The following MERTK variants were observed in gnomAD, a reference collection of about 807,000 sequenced individuals.
MERTK encodes MER proto-oncogene, tyrosine kinase, also known as tyrosine-protein kinase Mer.
Under a neutral mutation model 99.3 loss-of-function variants are expected in MERTK, and 69 were observed. That is an observed-to-expected ratio of 0.70 (90% CI 0.57 to 0.85). The LOEUF is 0.85. Ranked by LOEUF, MERTK falls within the 40% of genes least tolerant of loss-of-function variation. The pLI, the probability that MERTK is intolerant of heterozygous loss-of-function variation, is 0.00. For synonymous variants in MERTK, 426 were observed against 467.6 expected (o/e 0.91, Z 1.15); for missense variants, 1,125 against 1,249.4 (o/e 0.90, Z 1.50).
At chr2:111,910,627 T>TATATATATAC (rs1364348878) in intron 1 of MERTK, among the ~76,000 whole-genome samples, 1 of 150,986 alleles carries the variant, frequency 6.6e-6, no homozygotes, top group Non-Finnish European at 1.5e-5. Flanking sequence ...TATATATATA[T>TATATATATAC]ACAAATGGAA....
chr2:112,025,249 G>A (rs1015294036), intron 18 of MERTK, among the ~76,000 whole-genome samples: 1 of 152,170 alleles, frequency 6.6e-6, no homozygotes, highest in Non-Finnish European at 1.5e-5. Context: ...GCACTTGCTG[G>A]TCATGTTCTA....
At chr2:111,973,150 G>A (rs1223352934) in intron 6 of MERTK, among the ~76,000 whole-genome samples, 2 of 152,102 alleles carry the variant, frequency 1.3e-5, no homozygotes, top group Non-Finnish European at 2.9e-5. Flanking sequence ...TGACTGAGAA[G>A]GACTGTTATA....
intron 8 of MERTK, among the ~76,000 whole-genome samples, chr2:111,989,396 A>G (rs923243518): frequency 2.9e-4 from 43 of 148,026 alleles, no homozygotes; most frequent in African/African-American, 1.1e-3. Flanking sequence ...TCGCTCTGTC[A>G]CCCAGGCTGG....
At chr2:112,025,874 G>C (rs1349434332) in intron 18 of MERTK, among the ~76,000 whole-genome samples, 3 of 152,176 alleles carry the variant, frequency 2.0e-5, no homozygotes, top group Non-Finnish European at 4.4e-5. Flanking sequence ...TCACACTGTT[G>C]TATAACCATC....
intron 2 of MERTK, among the ~76,000 whole-genome samples, chr2:111,941,792 A>G (rs1387172011): frequency 2.0e-5 from 3 of 152,196 alleles, no homozygotes; most frequent in Non-Finnish European, 4.4e-5. Context: ...TTACCAGACA[A>G]CTGCTAAGCC....
chr2:112,022,594 A>T, intron 18 of MERTK, 200 bp downstream of exon 18: 1 of 847,978 alleles, frequency 1.2e-6, no homozygotes, highest in Non-Finnish European at 2.0e-6. Flanking sequence ...ATCTCCAGTG[A>T]GCCCACTGAG....
intron 8 of MERTK, 112 bp from the exon 9 acceptor site, chr2:111,994,139 C>T (rs1196962253): frequency 1.6e-5 from 20 of 1,231,000 alleles, no homozygotes; most frequent in Non-Finnish European, 2.0e-5. Context: ...GGAAGTGTGG[C>T]TTCTGGCCTC....
intron 10 of MERTK, 113 bp from the exon 11 acceptor site, chr2:112,001,088 T>TG: frequency 1.3e-6 from 1 of 791,914 alleles, no homozygotes; most frequent in East Asian, 2.5e-5. Flanking sequence ...GGAAAGCTTT[T>TG]GTTGTAGAAG....
intron 2 of MERTK, chr2:111,940,697 T>A (rs1362822114): frequency 2.6e-6 from 2 of 774,128 alleles, no homozygotes; most frequent in Non-Finnish European, 4.6e-6. Flanking sequence ...GCATTTTTAG[T>A]TGCATTGTCA....
Position 112,028,736 on chromosome 2 carries a change from C to G in MERTK, c.2872C>G (p.Pro958Ala). Residue 958 changes from proline (P) to alanine (A), a missense_variant, in exon 19 of 19, where the codon CCG (proline) becomes GCG (alanine). Physicochemically the swap from Pro to Ala is conservative, Grantham distance 27. Coordinates refer to ENST00000295408, the MANE Select transcript of MERTK (RefSeq NM_006343.3). Reference sequence around the variant, plus strand: ...CACAGCTGAAAAGAACAGTGTTTTACCGGGGGAGAGACTTGTTAGGAATGG... The same window carrying G: ...CACAGCTGAAAAGAACAGTGTTTTAGCGGGGGAGAGACTTGTTAGGAATGG... ...AVTAEKNSVL[P>A]GERLVRNGVS... The G allele has an allele frequency of 6.2e-7, 1 of 1,614,132 alleles. No individual in the cohort carries two copies. The highest frequency in any genetic ancestry group is 8.5e-7 in the Non-Finnish European group (1 of 1,180,024).
intron 2 of MERTK, chr2:111,940,996 G>A (rs1412900615): frequency 5.2e-6 from 3 of 579,962 alleles, no homozygotes; most frequent in Non-Finnish European, 6.7e-6. Flanking sequence ...GAAACCGGCG[G>A]GGTTGTGGTA....
At chr2:111,939,114 C>A (rs892286169) in intron 2 of MERTK, among the ~76,000 whole-genome samples, 1 of 152,108 alleles carries the variant, frequency 6.6e-6, no homozygotes, top group African/African-American at 2.4e-5. Flanking sequence ...AAATTTATTT[C>A]TCACAGTTAA....
rs529958301 is a variant in MERTK, at chr2:112,020,999, G to A, written c.2190-423G>A. 1.0e-4 allele frequency among the ~76,000 whole-genome samples: 15 copies of A among 149,500 alleles called. No homozygotes were observed. The East Asian group carries it at 2.7e-3, about 27-fold the overall frequency. On this transcript the variant is annotated intron_variant, in intron 16 of 18. Transcript: ENST00000295408. ...ACTTGAGATCAGGAGTCCGAGACCAGCCTGGCCAACATGGTGACACTCCAT... is the reference window on the plus strand; with the variant it reads ...ACTTGAGATCAGGAGTCCGAGACCAACCTGGCCAACATGGTGACACTCCAT...
intron 2 of MERTK, among the ~76,000 whole-genome samples, chr2:111,935,467 G>A (rs1265129546): frequency 6.6e-6 from 1 of 152,120 alleles, no homozygotes; most frequent in Admixed American, 6.6e-5. Flanking sequence ...AGGAGCAACC[G>A]CATCTTGCAA....
At chr2:111,913,780 T>C (rs1271435017) in intron 1 of MERTK, among the ~76,000 whole-genome samples, 1 of 152,148 alleles carries the variant, frequency 6.6e-6, no homozygotes, top group African/African-American at 2.4e-5. Flanking sequence ...AACTCCTGAC[T>C]TCAGGTGATC....
intron 2 of MERTK, among the ~76,000 whole-genome samples, chr2:111,937,360 G>A (rs914661900): frequency 6.6e-6 from 1 of 152,136 alleles, no homozygotes; most frequent in Non-Finnish European, 1.5e-5. Context: ...GCTGAGGTGG[G>A]AGGATCGCTT....
chr2:111,972,064 C>T (rs964156759), intron 6 of MERTK, among the ~76,000 whole-genome samples: 2 of 152,102 alleles, frequency 1.3e-5, no homozygotes, highest in Non-Finnish European at 2.9e-5. Context: ...GAGTTTCGCG[C>T]TTATTGCCCA....
chr2:112,011,852 C>T (rs1172749183), intron 15 of MERTK, among the ~76,000 whole-genome samples: 2 of 152,198 alleles, frequency 1.3e-5, no homozygotes, highest in Non-Finnish European at 2.9e-5. Flanking sequence ...CTGGAGGGAA[C>T]ATGACAGATG....
intron 2 of MERTK, among the ~76,000 whole-genome samples, chr2:111,937,726 C>A (rs1478132407): frequency 5.9e-5 from 9 of 152,184 alleles, no homozygotes; most frequent in African/African-American, 2.2e-4. Context: ...GCTGGAAAAG[C>A]TGTTATTAAC....
Sources: gnomAD v4.1 joint callset for allele counts (sites outside exome capture counted in the v4.1 genomes callset) on GRCh38, gnomAD v4.1.1 for gene constraint, MANE v1.5 for transcripts, NCBI Gene and HGNC (gene_info 2026-07-23, HGNC 2026-07-21) for gene names.